The following GAS2L3 variants were observed in gnomAD, a reference collection of about 807,000 sequenced individuals.
The protein encoded by GAS2L3 is GAS2-like protein 3.
GAS2L3 carries 28 observed loss-of-function variants against 37.0 expected under a neutral mutation model. That is an observed-to-expected ratio of 0.76 (90% CI 0.56 to 1.04). The LOEUF (loss-of-function observed/expected upper bound fraction) is 1.04, where lower values mean the gene tolerates loss of function less well. GAS2L3 is among the 50% of genes least tolerant of loss of function. The pLI is 0.00. For synonymous variants in GAS2L3, 290 were observed against 296.6 expected, an observed-to-expected ratio of 0.98 and a Z score of 0.23; for missense variants, 793 against 817.6, an observed-to-expected ratio of 0.97 and a Z score of 0.37.
At chr12:100,614,894 A>G (rs1358813028) in intron 6 of GAS2L3, among the ~76,000 whole-genome samples, 2 of 152,178 alleles carry the variant, frequency 1.3e-5, no homozygotes, top group African/African-American at 4.8e-5. Flanking sequence ...TAGATATGCC[A>G]TATTTTTTTA....
At chr12:100,591,638 G>A (rs761816069) in intron 1 of GAS2L3, 98 bp from the exon 2 acceptor site, 14 of 152,040 alleles carry the variant, frequency 9.2e-5, no homozygotes, top group Non-Finnish European at 1.9e-4. Flanking sequence ...TAATTCATTT[G>A]TTAAGTGCTA....
intron 5 of GAS2L3, among the ~76,000 whole-genome samples, chr12:100,607,210 C>A (rs1593178678): frequency 6.6e-6 from 1 of 152,100 alleles, no homozygotes; most frequent in Non-Finnish European, 1.5e-5. Flanking sequence ...TATTCTAGGG[C>A]AAAAGTTTTT....
In GAS2L3 at chr12:100,621,531, G is replaced by A. The variant is rs1242214876; in HGVS notation, c.649-744G>A. On this transcript the variant is annotated intron_variant, in intron 8 of 9. Transcript: ENST00000547754. The stretch of plus-strand genomic sequence containing the variant: ...TTCCTTAGCAGGCTACTGAAACAGA[G>A]CATTTTTAGAGAAATGCATCTTGAA... 5.9e-5 allele frequency among the ~76,000 whole-genome samples: 9 copies of A among 152,060 alleles called. No individual in the cohort carries two copies. In the East Asian group the frequency reaches 1.5e-3, roughly 26 times the overall value.
chr12:100,585,999 T>A (rs1003855342), intron 1 of GAS2L3, among the ~76,000 whole-genome samples: 10 of 152,210 alleles, frequency 6.6e-5, no homozygotes, highest in African/African-American at 2.2e-4. Context: ...GTTAAACGCA[T>A]CACTGTTTCA....
At chr12:100,573,954 C>T (rs1395965992) in intron 1 of GAS2L3, 169 bp downstream of exon 1, 1 of 152,298 alleles carries the variant, frequency 6.6e-6, no homozygotes, top group East Asian at 1.9e-4. Flanking sequence ...CTGCGTTTGC[C>T]TGGCTGCGGC....
rs772717576 is a variant in GAS2L3 at position 100,617,756 on chromosome 12, A to G, written c.458A>G (p.Asp153Gly). The change falls in exon 7 of 10, where the codon GAT becomes GGT. Residue 153 changes from aspartate (D) to glycine (G), a missense_variant. By Grantham distance (94) the Asp-to-Gly change is moderately conservative. Transcript: ENST00000547754. Reference protein sequence around the residue: ...FESEGLVLHKDPRQVYLCLLE... With the variant: ...FESEGLVLHKGPRQVYLCLLE... ...TTATTTTCCACAGTTTTGCACAAAG[A>G]TCCAAGACAGGTGTATCTTTGTCTT... The G allele has an allele frequency of 3.1e-6, 5 of 1,606,182 alleles. No homozygotes were observed. Among genetic ancestry groups the G allele is most frequent in the Non-Finnish European group, 2.6e-6 (3 of 1,173,566 alleles).
rs940438677 is a variant in GAS2L3 at position 100,627,097 on chromosome 12, A to T, written c.*2207A>T. Among the ~76,000 whole-genome samples, 5 of 151,784 alleles carry T rather than the reference A, an allele frequency of 3.3e-5. No homozygotes were observed. Among genetic ancestry groups the T allele is most frequent in the Admixed American group, 2.6e-4 (4 of 15,250 alleles). ...GAGTGAGACTCTGTCTCAAAAAAAA[A>T]AAAAAAGAAAAAGAAAAGAAAAAGG... On this transcript the variant is annotated 3_prime_UTR_variant, in exon 10 of 10. Coordinates refer to ENST00000547754, the MANE Select transcript of GAS2L3 (RefSeq NM_174942.3).
rs1160561893 is a variant in GAS2L3 at position 100,575,778 on chromosome 12, G to A, written c.-152+1993G>A. ...CAGGCATGAGTCACCGCGCCTGGCC[G>A]TTATCTCTATTTTATAGGGGACAAA... On this transcript the variant is annotated intron_variant, in intron 1 of 9. Transcript: ENST00000547754. Among the ~76,000 whole-genome samples the A allele has an allele frequency of 4.6e-5, 7 of 151,968 alleles. No individual in the cohort carries two copies. In the South Asian group the frequency reaches 6.2e-4, roughly 13 times the overall value.
At chr12:100,587,592 T>G (rs1036325786) in intron 1 of GAS2L3, among the ~76,000 whole-genome samples, 1 of 152,102 alleles carries the variant, frequency 6.6e-6, no homozygotes, top group Non-Finnish European at 1.5e-5. Flanking sequence ...CTTAATATAA[T>G]AAAAGCCATC....
At chr12:100,582,206 C>G (rs148899740) in intron 1 of GAS2L3, among the ~76,000 whole-genome samples, 1 of 152,128 alleles carries the variant, frequency 6.6e-6, no homozygotes, top group African/African-American at 2.4e-5. Context: ...TTTTCCCTTG[C>G]GGGGCAGGGG....
chr12:100,582,101 T>C (rs1178957589), intron 1 of GAS2L3, among the ~76,000 whole-genome samples: 1 of 152,192 alleles, frequency 6.6e-6, no homozygotes, highest in African/African-American at 2.4e-5. Context: ...TGGGTGCAGG[T>C]GGACTGAGTC....
Position 100,625,187 on chromosome 12 carries a change from G to A in GAS2L3, c.*297G>A. The A allele has an allele frequency of 4.5e-6, 1 of 221,830 alleles. No homozygotes were observed. The highest frequency in any genetic ancestry group is 8.9e-6 in the Non-Finnish European group (1 of 111,890). The allele number at this position is 221,830 out of a possible 1,614,324, so 13.7% of individuals were successfully genotyped here. The stretch of plus-strand genomic sequence containing the variant: ...TCTGCCTTTTGCAGGAAATGTAAAA[G>A]TTATTTAACACTACAAGAATTTTAA... On this transcript the variant is annotated 3_prime_UTR_variant, in exon 10 of 10. Transcript: ENST00000547754.
chr12:100,602,509 T>C (rs1288343489), intron 5 of GAS2L3, among the ~76,000 whole-genome samples: 1 of 151,804 alleles, frequency 6.6e-6, no homozygotes, highest in Non-Finnish European at 1.5e-5. Context: ...AAAAAATATT[T>C]TGTGGGTACA....
At chr12:100,597,397 T>C (rs866224579) in intron 3 of GAS2L3, among the ~76,000 whole-genome samples, 1 of 152,084 alleles carries the variant, frequency 6.6e-6, no homozygotes, top group Admixed American at 6.6e-5. Context: ...AGGATTATAA[T>C]AGAAATAAAA....
rs951975805 is a variant in GAS2L3 at position 100,612,686 on chromosome 12, G to A, written c.445+545G>A. ...GAAGCATCTGTGCAGTGACTAAAGC[G>A]GTAGCTATTTAAGTTTTATACTATA... On this transcript the variant is annotated intron_variant, in intron 6 of 9. Coordinates refer to ENST00000547754, the MANE Select transcript of GAS2L3 (RefSeq NM_174942.3). Among the ~76,000 whole-genome samples the A allele has an allele frequency of 2.6e-5, 4 of 152,220 alleles. No individual in the cohort carries two copies. In the South Asian group the frequency reaches 8.3e-4, roughly 32 times the overall value.
chr12:100,578,724 G>T, intron 1 of GAS2L3: 1 of 478,090 alleles, frequency 2.1e-6, no homozygotes, highest in Non-Finnish European at 3.8e-6. Flanking sequence ...TCTAAGAACT[G>T]ATGCCTAAAC....
chr12:100,601,855 A>G, intron 5 of GAS2L3, 102 bp downstream of exon 5: 1 of 536,340 alleles, frequency 1.9e-6, no homozygotes, highest in East Asian at 3.1e-5. Context: ...CCAACTGGCT[A>G]TGAGATGTTG....
chr12:100,581,224 A>C (rs1015075250), intron 1 of GAS2L3, among the ~76,000 whole-genome samples: 2 of 152,216 alleles, frequency 1.3e-5, no homozygotes, highest in Non-Finnish European at 2.9e-5. Flanking sequence ...ATGTCTGATA[A>C]GTATTGTCAG....
intron 7 of GAS2L3, among the ~76,000 whole-genome samples, 161 bp downstream of exon 7, chr12:100,617,968 T>G (rs1171843322): frequency 1.3e-5 from 2 of 152,238 alleles, no homozygotes; most frequent in African/African-American, 4.8e-5. Context: ...TCTGTTTGCA[T>G]GAGCATATGT....
Sources: gnomAD v4.1 joint callset for allele counts (sites outside exome capture counted in the v4.1 genomes callset) on GRCh38, gnomAD v4.1.1 for gene constraint, MANE v1.5 for transcripts, NCBI Gene and HGNC (gene_info 2026-07-23, HGNC 2026-07-21) for gene names.